Variants in USP35 observed in about 807,000 individuals in gnomAD.
USP35 encodes the protein ubiquitin specific peptidase 35.
USP35 carries 69 observed loss-of-function variants against 83.8 expected under a neutral mutation model. The observed-to-expected ratio is 0.82, with a 90% confidence interval of 0.68 to 1.01. The LOEUF (loss-of-function observed/expected upper bound fraction) is 1.01. Among genes scored for constraint, USP35 ranks in the 50% least tolerant of loss-of-function variants. The pLI, the probability that USP35 is intolerant of heterozygous loss-of-function variation, is 0.00. For synonymous variants in USP35, 714 were observed against 589.5 expected (o/e 1.21, Z -3.06); for missense variants, 1,503 against 1,362.5 (o/e 1.10, Z -1.62).
At chr11:78,204,649 G>A (rs1225456622) in intron 6 of USP35, among the ~76,000 whole-genome samples, 1 of 152,186 alleles carries the variant, frequency 6.6e-6, no homozygotes, top group Non-Finnish European at 1.5e-5. Flanking sequence ...ATGTTGTGGG[G>A]TGGAGGGACA....
Position 78,200,124 on chromosome 11 carries a change from C to T in USP35, c.937-9C>T, listed in dbSNP as rs760848771. The T allele has an allele frequency of 6.2e-7, 1 of 1,614,036 alleles. No homozygotes were observed. Among genetic ancestry groups the T allele is most frequent in the East Asian group, 2.2e-5 (1 of 44,882 alleles). On this transcript the variant is annotated splice_polypyrimidine_tract_variant and intron_variant, in intron 4 of 10. Transcript: ENST00000529308. ...GCCTGGGGACTCCTGACCAGGGACT[C>T]TCTTGTAGGTTTTCTCTAAGCTGCT...
At position 78,211,255 on chromosome 11, in the gene USP35, C is replaced by T. The variant is rs137888485; in HGVS notation, c.2889+511C>T. ...TGCTGAGGATAACGGCTTCCAGCTC[C>T]GTCCATGTCCCTGCAGAGGACATGA... On this transcript the variant is annotated intron_variant, in intron 10 of 10. Coordinates refer to ENST00000529308, the MANE Select transcript of USP35 (RefSeq NM_020798.4). Among the ~76,000 whole-genome samples the T allele has an allele frequency of 1.6e-3, 244 of 152,284 alleles. 1 individual carries two copies. In the East Asian group the frequency reaches 0.026, roughly 16 times the overall value.
intron 10 of USP35, among the ~76,000 whole-genome samples, chr11:78,211,242 C>T (rs1313556017): frequency 3.3e-5 from 5 of 152,094 alleles, no homozygotes; most frequent in African/African-American, 4.8e-5. Flanking sequence ...CTGAGGATAA[C>T]GGCTTCCAGC....
At chr11:78,189,678 TCA>T (rs1565391168) in intron 1 of USP35, among the ~76,000 whole-genome samples, 1 of 152,164 alleles carries the variant, frequency 6.6e-6, no homozygotes, top group East Asian at 1.9e-4. Flanking sequence ...AGTGCGGCCC[TCA>T]CAGGTTTGTG....
At chr11:78,213,237 C>T (rs545384156) in intron 10 of USP35, among the ~76,000 whole-genome samples, 21 of 150,918 alleles carry the variant, frequency 1.4e-4, no homozygotes, top group South Asian at 6.2e-4. Flanking sequence ...GGCAGGGTGG[C>T]GGGTAAGGAT....
the USP35 span, chr11:78,221,707 T>C: frequency 7.4e-6 from 12 of 1,613,074 alleles, no homozygotes; most frequent in African/African-American, 1.3e-5. Context: ...CGCTGTCTCC[T>C]GAGTCTGTGC....
chr11:78,207,681 T>TG, intron 8 of USP35, 58 bp downstream of exon 8: 2 of 1,538,128 alleles, frequency 1.3e-6, no homozygotes, highest in South Asian at 2.2e-5. Context: ...GGCCCCGACA[T>TG]GGACACCTTT....
intron 6 of USP35, among the ~76,000 whole-genome samples, chr11:78,202,847 GGTCT>G (rs1354608993): frequency 1.3e-5 from 2 of 152,144 alleles, no homozygotes; most frequent in African/African-American, 4.8e-5. Flanking sequence ...TCTGTGGCTG[GGTCT>G]GTCTGTTTCC....
chr11:78,220,959 CA>C, the USP35 span, among the ~76,000 whole-genome samples: 187 of 152,254 alleles, frequency 1.2e-3, 2 homozygotes, highest in South Asian at 5.8e-3. Context: ...GTAGTCACCC[CA>C]AAGCAGCTTG....
At chr11:78,197,891 A>C in intron 2 of USP35, 45 bp from the exon 3 acceptor site, 1 of 1,597,048 alleles carries the variant, frequency 6.3e-7, no homozygotes. Context: ...GGGGGAAGGG[A>C]GGGGCCTGCC....
chr11:78,228,454 T>A, the USP35 span, among the ~76,000 whole-genome samples: 3 of 152,220 alleles, frequency 2.0e-5, no homozygotes, highest in African/African-American at 7.2e-5. Context: ...CGTATACATA[T>A]AAACTTGTTG....
downstream of USP35, chr11:78,217,584 A>C (rs1864212706): frequency 6.6e-6 from 1 of 152,160 alleles, no homozygotes; most frequent in Non-Finnish European, 1.5e-5. Flanking sequence ...GGTAGAATGA[A>C]ACGTCTGGTC....
At chr11:78,209,042 G>A in intron 9 of USP35, 79 bp downstream of exon 9, 1 of 1,417,038 alleles carries the variant, frequency 7.1e-7, no homozygotes, top group Non-Finnish European at 9.7e-7. Flanking sequence ...GAGCTGTGTT[G>A]CAGCGTCCAG....
Position 78,210,209 on chromosome 11 carries a change from G to A in USP35, c.2354G>A (p.Cys785Tyr). 1.2e-6 allele frequency: 2 copies of A among 1,614,014 alleles called. No individual in the cohort carries two copies. Residue 785 changes from cysteine to tyrosine, a missense_variant, in exon 10 of 11, where the codon TGT becomes TAT. By Grantham distance (194) the Cys-to-Tyr change is radical. Transcript: ENST00000529308. ...GAAAACCGCTACTACTGCGAGTCGT[G>A]TGCCTCCCTGCAGGATGCCGAGAAG... ...TAENRYYCES[C>Y]ASLQDAEKVV...
chr11:78,227,122 C>G, the USP35 span: 1 of 1,010,876 alleles, frequency 9.9e-7, no homozygotes, highest in African/African-American at 1.6e-5. Flanking sequence ...AGGCAAAGCA[C>G]TTTCTCTTTC....
the USP35 span, chr11:78,220,301 C>G: frequency 1.2e-6 from 2 of 1,611,668 alleles, no homozygotes; most frequent in Non-Finnish European, 1.7e-6. Context: ...ACTGCCCCCC[C>G]AACTCTACTC....
At chr11:78,192,260 C>T (rs1230587737) in intron 1 of USP35, among the ~76,000 whole-genome samples, 4 of 152,142 alleles carry the variant, frequency 2.6e-5, no homozygotes, top group Non-Finnish European at 4.4e-5. Context: ...GCGGTTGGTG[C>T]GGGGCAGCTG....
At chr11:78,216,208 C>A (rs1269023629), downstream of USP35, 1 of 152,548 alleles carries the variant, frequency 6.6e-6, no homozygotes, top group East Asian at 1.9e-4. Flanking sequence ...TATTTCTCAT[C>A]GTTCTCACTT....
rs906404544 is a variant in USP35, at chr11:78,213,502, A to C, written c.2890-144A>C. The C allele has an allele frequency of 1.3e-5, 12 of 941,366 alleles. No homozygotes were observed. The African/African-American group carries it at 2.0e-4, about 16-fold the overall frequency. 58.3% of individuals were successfully genotyped at this position (941,366 alleles called of 1,614,324 possible). On this transcript the variant is annotated intron_variant, in intron 10 of 10. Transcript: ENST00000529308. ...TCTTTTGAAGGTGTCCACCCCGGAT[A>C]TCCTGCCACTGAGCTGCAATGTCTC...
Sources: allele counts gnomAD v4.1 joint callset (sites outside exome capture counted in the v4.1 genomes callset), GRCh38; gene constraint gnomAD v4.1.1; transcripts MANE v1.5; gene names NCBI Gene and HGNC (gene_info 2026-07-23, HGNC 2026-07-21).